Variants in SRPRA observed in about 807,000 individuals in gnomAD.
SRPRA encodes the protein signal recognition particle receptor subunit alpha.
SRPRA carries 30 observed loss-of-function variants against 61.1 expected under a neutral mutation model. The ratio of observed to expected loss-of-function variants is 0.49; its 90% CI spans 0.37 to 0.67. The LOEUF is 0.67. Among genes scored for constraint, SRPRA ranks in the 30% least tolerant of loss-of-function variants. The pLI, the probability that SRPRA is intolerant of heterozygous loss-of-function variation, is 0.00. For synonymous variants in SRPRA, 324 were observed against 299.7 expected, an observed-to-expected ratio of 1.08 and a Z score of -0.84; for missense variants, 759 against 828.4, an observed-to-expected ratio of 0.92 and a Z score of 1.03.
the SRPRA span, among the ~76,000 whole-genome samples, chr11:126,238,427 A>G: frequency 6.6e-6 from 1 of 152,136 alleles, no homozygotes; most frequent in Non-Finnish European, 1.5e-5. Flanking sequence ...CAGAATCTGC[A>G]GGTTTTTCAT....
chr11:126,267,316 T>G lies in SRPRA; in HGVS notation c.385A>C (p.Lys129Gln). ...RLLREAEESS[K>Q]IRAPTTMKKF... ...TTCATGGTAGTGGGAGCACGGATCT[T>G]ACTGCTCTCCTCTGCTTCACTAAAC... The change falls in exon 4 of 14, where the codon AAG becomes CAG. Residue 129 changes from lysine to glutamine, a missense_variant. By Grantham distance (53) the Lys-to-Gln change is moderately conservative (BLOSUM62 1). This residue lies in a region of SRPRA where 475 missense variants were observed against 462.5 expected (regional missense o/e 1.03). Transcript: ENST00000332118. The surrounding 1 kb of genome is among the most constrained non-coding windows in gnomAD (Gnocchi z 4.2). 2 of 1,614,176 alleles carry G rather than the reference T, an allele frequency of 1.2e-6. No individual in the cohort carries two copies. The highest frequency in any genetic ancestry group is 2.7e-5 in the African/African-American group (2 of 75,040).
the SRPRA span, among the ~76,000 whole-genome samples, chr11:126,251,973 CGTTTTGTTTT>C: frequency 1.5e-3 from 234 of 151,270 alleles, no homozygotes; most frequent in South Asian, 6.9e-3. Context: ...TGTGCCTGGC[CGTTTTGTTTT>C]GTTTTGTTTT....
At position 126,264,941 on chromosome 11, in the gene SRPRA, A is replaced by G. The variant is rs1950776777; in HGVS notation, c.1525+18T>C. ...AAAGGGACCCCAAATAAGCCCCCAC[A>G]CTTCCCATGCACTGTACCAAAAGCA... On this transcript the variant is annotated intron_variant, in intron 11 of 13. Coordinates refer to ENST00000332118, the MANE Select transcript of SRPRA (RefSeq NM_003139.4). This position sits in a 1 kb window ranked among gnomAD's most constrained non-coding sequence, Gnocchi z 5.0. 1 of 1,605,128 alleles carries G rather than the reference A, an allele frequency of 6.2e-7. No homozygotes were observed. Among genetic ancestry groups the G allele is most frequent in the African/African-American group, 1.3e-5 (1 of 74,638 alleles).
chr11:126,238,572 G>A, the SRPRA span, among the ~76,000 whole-genome samples: 1 of 152,152 alleles, frequency 6.6e-6, no homozygotes, highest in Non-Finnish European at 1.5e-5. Context: ...GGGAAATCTT[G>A]TATTTTATAT....
chr11:126,262,129 C>T (rs199875450), downstream of SRPRA: 29 of 1,613,956 alleles, frequency 1.8e-5, no homozygotes, highest in Admixed American at 1.7e-4. Flanking sequence ...GGCTGTAGTA[C>T]ATGAGCGAGC....
chr11:126,246,558 GA>G, the SRPRA span, among the ~76,000 whole-genome samples: 1 of 152,194 alleles, frequency 6.6e-6, no homozygotes, highest in Non-Finnish European at 1.5e-5. Context: ...TGATGCACTA[GA>G]AATGTTAATA....
the SRPRA span, among the ~76,000 whole-genome samples, chr11:126,244,137 A>G: frequency 6.6e-6 from 1 of 152,218 alleles, no homozygotes; most frequent in Non-Finnish European, 1.5e-5. The surrounding 1 kb of genome is among the most constrained non-coding windows in gnomAD (Gnocchi z 4.5). Flanking sequence ...CACAGTTAAC[A>G]TATTTAATGG....
the SRPRA span, among the ~76,000 whole-genome samples, chr11:126,240,002 A>G: frequency 1.3e-5 from 2 of 152,144 alleles, no homozygotes; most frequent in Non-Finnish European, 2.9e-5. Flanking sequence ...AGCCATTTTC[A>G]GGGGAGGGGA....
At chr11:126,244,604 G>GACCA in the SRPRA span, among the ~76,000 whole-genome samples, 1 of 152,176 alleles carries the variant, frequency 6.6e-6, no homozygotes, top group Non-Finnish European at 1.5e-5. The surrounding 1 kb of genome is among the most constrained non-coding windows in gnomAD (Gnocchi z 4.5). Context: ...GGGAGGTAGA[G>GACCA]ACCAGCCTGG....
At chr11:126,266,102 A>G in intron 7 of SRPRA, 21 bp from the exon 8 acceptor site, 1 of 1,613,386 alleles carries the variant, frequency 6.2e-7, no homozygotes, top group Non-Finnish European at 8.5e-7. Flanking sequence ...AGGAGATTAC[A>G]CATACACATA....
the SRPRA span, among the ~76,000 whole-genome samples, chr11:126,246,340 T>C: frequency 6.6e-6 from 1 of 152,286 alleles, no homozygotes; most frequent in African/African-American, 2.4e-5. Flanking sequence ...GCCAGTTTAA[T>C]GTATACTGGG....
At chr11:126,251,583 A>G in the SRPRA span, among the ~76,000 whole-genome samples, 1 of 152,182 alleles carries the variant, frequency 6.6e-6, no homozygotes, top group African/African-American at 2.4e-5. Context: ...CATATTCTGT[A>G]TGGTCAGCTC....
rs1950823733 is a variant in SRPRA, at chr11:126,267,048, G to C, written c.527-126C>G. 2 of 1,520,532 alleles carry C rather than the reference G, an allele frequency of 1.3e-6. No homozygotes were observed. Among genetic ancestry groups the C allele is most frequent in the Non-Finnish European group, 1.8e-6 (2 of 1,128,278 alleles). 94.2% of individuals were successfully genotyped at this position (1,520,532 alleles called of 1,614,324 possible). Reference sequence around the variant, plus strand: ...ACATCTTGGAGTTCATAAGGCCTGGGGATTATAGGATGGTGACCATTTGAG... The same window carrying C: ...ACATCTTGGAGTTCATAAGGCCTGGCGATTATAGGATGGTGACCATTTGAG... On this transcript the variant is annotated intron_variant, in intron 4 of 13. Coordinates refer to ENST00000332118, the MANE Select transcript of SRPRA (RefSeq NM_003139.4). The surrounding 1 kb of genome is among the most constrained non-coding windows in gnomAD (Gnocchi z 4.2).
intron 6 of SRPRA, 92 bp downstream of exon 6, chr11:126,266,384 T>TA (rs1950811072): frequency 6.3e-7 from 1 of 1,589,036 alleles, no homozygotes; most frequent in East Asian, 2.2e-5. Flanking sequence ...AAGTATAACT[T>TA]ACCCCTCATT....
the SRPRA span, among the ~76,000 whole-genome samples, chr11:126,236,221 C>T: frequency 6.6e-6 from 1 of 152,164 alleles, no homozygotes. Context: ...TGGTGCACGC[C>T]TTTGTTTTCC....
the SRPRA span, chr11:126,254,183 T>C: frequency 8.3e-7 from 1 of 1,211,566 alleles, no homozygotes; most frequent in Admixed American, 2.6e-5. Context: ...TCTTGTCCTA[T>C]ATCATGAAGC....
At position 126,263,850 on chromosome 11, in the gene SRPRA, A is replaced by C. The variant is rs1950753023; in HGVS notation, c.*66T>G. On this transcript the variant is annotated 3_prime_UTR_variant, in exon 14 of 14. Coordinates refer to ENST00000332118, the MANE Select transcript of SRPRA (RefSeq NM_003139.4). The stretch of plus-strand genomic sequence containing the variant: ...ACAGGTTGCTCACATACTCTAAAGC[A>C]CATTCTTGATACAGGAAGAAGGGCT... The C allele has an allele frequency of 1.6e-5, 26 of 1,596,550 alleles. No homozygotes were observed. Among genetic ancestry groups the C allele is most frequent in the Non-Finnish European group, 2.2e-5 (26 of 1,172,166 alleles).
rs1049666 is a variant in SRPRA, at chr11:126,263,681, A to G, written c.*235T>C. On this transcript the variant is annotated 3_prime_UTR_variant, in exon 14 of 14. Coordinates refer to ENST00000332118, the MANE Select transcript of SRPRA (RefSeq NM_003139.4). ...GAGTGAAGGGGGTGCCTGAGTAGGA[A>G]GGGGGAGGCCCGCTGGGAGAGGGTC... The G allele has an allele frequency of 0.12, 62,731 of 527,818 alleles. 3,992 individuals carry two copies. The highest frequency in any genetic ancestry group is 0.14 in the African/African-American group (7,393 of 52,472). The allele number at this position is 527,818 out of a possible 1,614,324, so 32.7% of individuals were successfully genotyped here. A position where few individuals can be genotyped will look rare whatever the true frequency, so the allele number is the denominator to read the frequency against.
At chr11:126,237,398 A>AT in the SRPRA span, among the ~76,000 whole-genome samples, 1 of 141,804 alleles carries the variant, frequency 7.1e-6, no homozygotes, top group Non-Finnish European at 1.6e-5. Context: ...TTTTTATTTT[A>AT]TTTATTTATT....
Sources: allele counts gnomAD v4.1 joint callset (sites outside exome capture counted in the v4.1 genomes callset), GRCh38; gene constraint gnomAD v4.1.1; regional missense constraint gnomAD v4.1.1; non-coding constraint Gnocchi (gnomAD v3.1); transcripts MANE v1.5; gene names NCBI Gene and HGNC (gene_info 2026-07-23, HGNC 2026-07-21).